The following TUB variants were observed in gnomAD, a reference collection of about 807,000 sequenced individuals.
TUB encodes the protein TUB bipartite transcription factor.
Under a neutral mutation model 59.7 loss-of-function variants are expected in TUB, and 33 were observed. The observed-to-expected ratio is 0.55, with a 90% CI of 0.42 to 0.74. The LOEUF is 0.74. Ranked by LOEUF, TUB falls within the 30% of genes least tolerant of loss-of-function variation. The pLI is 0.00. For synonymous variants in TUB, 293 were observed against 256.4 expected (o/e 1.14, Z -1.36); for missense variants, 659 against 672.0 (o/e 0.98, Z 0.21).
At chr11:8,089,713 G>T in intron 2 of TUB, 52 bp downstream of exon 2, 1 of 1,605,316 alleles carries the variant, frequency 6.2e-7, no homozygotes, top group Non-Finnish European at 8.5e-7. Context: ...TGGGATCTCT[G>T]AGGGCAGAGG....
chr11:8,031,009 G>A (rs1482338880), intron 1 of TUB, among the ~76,000 whole-genome samples: 1 of 152,176 alleles, frequency 6.6e-6, no homozygotes, highest in African/African-American at 2.4e-5. Flanking sequence ...ATCACCAAGT[G>A]TTCAGACAAC....
rs759185224 is a variant in TUB, at chr11:8,090,243, C to T, written c.253+12C>T. 1 of 1,612,286 alleles carries T rather than the reference C, an allele frequency of 6.2e-7. No homozygotes were observed. The stretch of plus-strand genomic sequence containing the variant: ...CACCAGCTACCAAGGTATACCTTGC[C>T]TGCTGCCCCACATCCCGTCACTGCT... On this transcript the variant is annotated intron_variant, in intron 3 of 11. Transcript: ENST00000299506.
intron 1 of TUB, among the ~76,000 whole-genome samples, chr11:8,032,067 G>A (rs182210898): frequency 1.3e-5 from 2 of 152,308 alleles, no homozygotes; most frequent in East Asian, 1.9e-4. Flanking sequence ...GGGAGCAGCC[G>A]CGACTGCACA....
Position 8,081,608 on chromosome 11 carries a change from G to C in TUB, c.38+60G>C, listed in dbSNP as rs1943565987. 5 of 1,453,106 alleles carry C rather than the reference G, an allele frequency of 3.4e-6. No individual in the cohort carries two copies. The South Asian group carries it at 7.1e-5, about 20-fold the overall frequency. 90.0% of individuals were successfully genotyped at this position (1,453,106 alleles called of 1,614,324 possible). A position where few individuals can be genotyped will look rare whatever the true frequency, so the allele number is the denominator to read the frequency against. Reference sequence around the variant, plus strand: ...CCGACTCGGGACGTGAGCTGGCTGGGGATACGCGGCCGGGGCGCAGGGCAC... The same window carrying C: ...CCGACTCGGGACGTGAGCTGGCTGGCGATACGCGGCCGGGGCGCAGGGCAC... On this transcript the variant is annotated intron_variant, in intron 1 of 11. Transcript: ENST00000299506.
At chr11:8,089,534 T>C (rs2133831875) in intron 1 of TUB, 76 bp from the exon 2 acceptor site, 11 of 1,572,452 alleles carry the variant, frequency 7.0e-6, no homozygotes, top group South Asian at 1.1e-5. Context: ...GGCCCAGATA[T>C]GCTGGGGGTG....
chr11:8,058,160 C>T (rs913128366), intron 2 of TUB, among the ~76,000 whole-genome samples: 15 of 147,914 alleles, frequency 1.0e-4, no homozygotes, highest in Admixed American at 3.4e-4. Flanking sequence ...CACAGTGAGC[C>T]GAGATCACAC....
At position 8,081,417 on chromosome 11, in the gene TUB, C is replaced by G; in HGVS notation, c.-94C>G. 4.7e-5 allele frequency: 51 copies of G among 1,096,276 alleles called. No homozygotes were observed. Among genetic ancestry groups the G allele is most frequent in the Non-Finnish European group, 5.5e-5 (50 of 902,720 alleles). 67.9% of individuals were successfully genotyped at this position (1,096,276 alleles called of 1,614,324 possible). The stretch of plus-strand genomic sequence containing the variant: ...AGCGCCCCGGCCCGGGAGGATGCGG[C>G]CCGGGGCGGCCCGGGAGCTGAGCAG... On this transcript the variant is annotated 5_prime_UTR_variant, in exon 1 of 12. Coordinates refer to ENST00000299506, the MANE Select transcript of TUB (RefSeq NM_177972.3).
At chr11:8,058,339 C>G (rs1943055972) in intron 2 of TUB, among the ~76,000 whole-genome samples, 2 of 152,068 alleles carry the variant, frequency 1.3e-5, no homozygotes, top group African/African-American at 2.4e-5. Context: ...CTGCGCTTGT[C>G]TGTTGTGTCT....
At chr11:8,032,409 C>T (rs1336565434) in intron 1 of TUB, among the ~76,000 whole-genome samples, 1 of 152,144 alleles carries the variant, frequency 6.6e-6, no homozygotes, top group Non-Finnish European at 1.5e-5. Flanking sequence ...GACGGACACT[C>T]CTGTGGGCAG....
At chr11:8,031,921 G>C (rs914143492) in intron 1 of TUB, among the ~76,000 whole-genome samples, 1 of 152,182 alleles carries the variant, frequency 6.6e-6, no homozygotes. Flanking sequence ...CGCCTTCCGC[G>C]GGGTGTCATC....
At chr11:8,024,990 A>G (rs2033684093) in intron 1 of TUB, among the ~76,000 whole-genome samples, 1 of 152,232 alleles carries the variant, frequency 6.6e-6, no homozygotes, top group African/African-American at 2.4e-5. Context: ...CAAATAGACA[A>G]TAATAATGGT....
intron 1 of TUB, among the ~76,000 whole-genome samples, chr11:8,032,562 A>G (rs1221872626): frequency 6.6e-6 from 1 of 152,214 alleles, no homozygotes; most frequent in Non-Finnish European, 1.5e-5. Flanking sequence ...TGGCCCTTCA[A>G]GAAAAAATTT....
Position 8,046,258 on chromosome 11 carries a change from G to A in TUB, c.203+6566G>A, listed in dbSNP as rs1204660972. Among the ~76,000 whole-genome samples, 7 of 152,166 alleles carry A rather than the reference G, an allele frequency of 4.6e-5. No homozygotes were observed. In the East Asian group the frequency reaches 1.4e-3, roughly 29 times the overall value. On this transcript the variant is annotated intron_variant, in intron 2 of 12. Coordinates refer to the TUB transcript ENST00000305253. ...CCTTTTGTCCAATGTCTGAACTGTC[G>A]TTTCATCTATTTCACCGGTTTTTAA...
intron 2 of TUB, among the ~76,000 whole-genome samples, chr11:8,061,851 G>T (rs1424087256): frequency 1.3e-5 from 2 of 152,060 alleles, no homozygotes; most frequent in Non-Finnish European, 2.9e-5. Flanking sequence ...TTGGAGGGGG[G>T]CCCAGTAGAA....
intron 2 of TUB, among the ~76,000 whole-genome samples, chr11:8,044,437 C>G (rs1031313119): frequency 6.6e-6 from 1 of 152,108 alleles, no homozygotes; most frequent in African/African-American, 2.4e-5. Context: ...ATATTTTTCT[C>G]TATCTTTTTT....
At chr11:8,032,388 T>C (rs1589921917) in intron 1 of TUB, among the ~76,000 whole-genome samples, 1 of 152,150 alleles carries the variant, frequency 6.6e-6, no homozygotes, top group African/African-American at 2.4e-5. Context: ...GTGGCCTCCA[T>C]GATCAGCATG....
At chr11:8,044,598 T>C (rs1942800648) in intron 2 of TUB, among the ~76,000 whole-genome samples, 1 of 152,230 alleles carries the variant, frequency 6.6e-6, no homozygotes, top group Non-Finnish European at 1.5e-5. Flanking sequence ...GGCAACTCTC[T>C]AGATGCCAAC....
chr11:8,094,959 G>A (rs1236249782), intron 4 of TUB, among the ~76,000 whole-genome samples: 3 of 152,236 alleles, frequency 2.0e-5, no homozygotes, highest in Admixed American at 1.3e-4. Context: ...CTGTGGTAAC[G>A]GGCAGGAAAG....
chr11:8,093,916 TG>T (rs1388309158), intron 3 of TUB, 129 bp from the exon 4 acceptor site: 1 of 1,021,434 alleles, frequency 9.8e-7, no homozygotes, highest in Non-Finnish European at 1.5e-6. Context: ...GCTGTAGAAG[TG>T]GTACAGGGGC....
Sources: gnomAD v4.1 joint callset for allele counts (sites outside exome capture counted in the v4.1 genomes callset) on GRCh38, gnomAD v4.1.1 for gene constraint, MANE v1.5 for transcripts, NCBI Gene and HGNC (gene_info 2026-07-23, HGNC 2026-07-21) for gene names.